Variants in COCH observed in about 807,000 individuals in gnomAD.
COCH encodes the protein coagulation factor C homolog, cochlin (Limulus polyphemus).
COCH carries 40 observed loss-of-function variants against 54.8 expected under a neutral mutation model. The ratio of observed to expected loss-of-function variants is 0.73; its 90% CI spans 0.57 to 0.95. The LOEUF is 0.95. Among genes scored for constraint, COCH ranks in the 40% least tolerant of loss-of-function variants. The probability of loss-of-function intolerance (pLI) is 0.00; values close to 1 mark genes in which losing one functional copy is unlikely to be tolerated. For missense variants in COCH, 605 were observed against 675.0 expected (o/e 0.90, Z 1.15); for synonymous variants, 256 against 237.9 (o/e 1.08, Z -0.70).
At chr14:30,885,761 C>A in intron 10 of COCH, 35 bp from the exon 11 acceptor site, 1 of 1,611,848 alleles carries the variant, frequency 6.2e-7, no homozygotes, top group Non-Finnish European at 8.5e-7. Flanking sequence ...AACTTTTGAT[C>A]CTTTTGGATA....
chr14:30,880,744 T>A lies in COCH; in HGVS notation c.629+10T>A. 6.2e-7 allele frequency: 1 copy of A among 1,606,150 alleles called. No homozygotes were observed. The highest frequency in any genetic ancestry group is 8.5e-7 in the Non-Finnish European group (1 of 1,173,316). ...GCCTTGTTCAAGCCAGGTACCAACCTTGTTAAAATGGGAGATTTAAAAAAA... is the reference window on the plus strand; with the variant it reads ...GCCTTGTTCAAGCCAGGTACCAACCATGTTAAAATGGGAGATTTAAAAAAA... On this transcript the variant is annotated intron_variant, in intron 8 of 11. Coordinates refer to ENST00000396618, the MANE Select transcript of COCH (RefSeq NM_004086.3).
chr14:30,875,419 G>A (rs78315349), intron 3 of COCH: 6,237 of 596,950 alleles, frequency 0.01, 70 homozygotes, highest in South Asian at 0.017. Flanking sequence ...GCAGGAGGTC[G>A]AGGAAGGAGG....
At chr14:30,878,712 T>G (rs1463621481) in intron 4 of COCH, 99 bp from the exon 5 acceptor site, 3 of 1,544,464 alleles carry the variant, frequency 1.9e-6, no homozygotes, top group Non-Finnish European at 2.7e-6. Flanking sequence ...AGCTATTTTC[T>G]TGATTAATCA....
chr14:30,882,129 T>TTG (rs1555311389), intron 8 of COCH, among the ~76,000 whole-genome samples: 2 of 103,666 alleles, frequency 1.9e-5, no homozygotes, highest in Non-Finnish European at 4.0e-5. Context: ...GGTTTTTTTT[T>TTG]TTTTTTTTTT....
chr14:30,882,120 G>GTTTTGTTTTTTTTTTTTT (rs1895617844), intron 8 of COCH, among the ~76,000 whole-genome samples: 3 of 67,894 alleles, frequency 4.4e-5, no homozygotes, highest in African/African-American at 6.6e-5. Flanking sequence ...CTATAAAATG[G>GTTTTGTTTTTTTTTTTTT]TTTTTTTTTT....
At chr14:30,878,969 C>A (rs778896576) in intron 5 of COCH, 25 bp downstream of exon 5, 1 of 1,612,828 alleles carries the variant, frequency 6.2e-7, no homozygotes, top group Non-Finnish European at 8.5e-7. Context: ...TGTTCTCATT[C>A]TGTAATATTC....
chr14:30,885,190 A>G (rs1895741279), intron 9 of COCH: 2 of 1,078,878 alleles, frequency 1.9e-6, no homozygotes. Context: ...TGTGAAGATA[A>G]ATAGGCCTGG....
rs1895944883 is a variant in COCH, at chr14:30,890,464, T to G, written c.*673T>G. ...TATATGTATATAGATATATTTGGCT[T>G]ATATTCTAAGTCACCTAAGTACTTA... On this transcript the variant is annotated 3_prime_UTR_variant, in exon 12 of 12. Transcript: ENST00000396618. The G allele has an allele frequency of 2.1e-6, 2 of 953,210 alleles. No homozygotes were observed. The highest frequency in any genetic ancestry group is 2.5e-6 in the Non-Finnish European group (2 of 800,638). 59.0% of individuals were successfully genotyped at this position (953,210 alleles called of 1,614,324 possible).
At chr14:30,875,516 G>C (rs1250641868) in intron 3 of COCH, 9 of 499,850 alleles carry the variant, frequency 1.8e-5, no homozygotes, top group Admixed American at 1.1e-4. Context: ...CCCGACTTCA[G>C]GTTGCCGTAG....
downstream of COCH, among the ~76,000 whole-genome samples, chr14:30,893,020 ATTACC>A (rs1896023378): frequency 6.6e-6 from 1 of 152,136 alleles, no homozygotes; most frequent in Non-Finnish European, 1.5e-5. Flanking sequence ...TTCAAAGGAT[ATTACC>A]TTATTGAAGA....
rs148619979 is a variant in COCH at position 30,875,832 on chromosome 14, A to C, written c.82+729A>C. On this transcript the variant is annotated intron_variant, in intron 3 of 11. Transcript: ENST00000396618. ...AACAAAAGTCAGTGTTCGCAACTAA[A>C]GGCGGTCGGTCTTGGCACCGGATTC... The C allele has an allele frequency of 3.2e-3, 491 of 152,572 alleles. 2 individuals are homozygous for C. Among genetic ancestry groups the C allele is most frequent in the Non-Finnish European group, 4.8e-3 (330 of 68,244 alleles). The allele number at this position is 152,572 out of a possible 1,614,324, so 9.5% of individuals were successfully genotyped here. A position where few individuals can be genotyped will look rare whatever the true frequency, so the allele number is the denominator to read the frequency against.
intron 3 of COCH, chr14:30,875,835 C>T (rs1895340016): frequency 6.6e-6 from 1 of 152,394 alleles, no homozygotes; most frequent in Non-Finnish European, 1.5e-5. Context: ...CAACTAAAGG[C>T]GGTCGGTCTT....
At chr14:30,895,367 T>C, downstream of COCH, 1 of 1,552,966 alleles carries the variant, frequency 6.4e-7, no homozygotes, top group South Asian at 1.2e-5. Context: ...GCAGACCCTC[T>C]TTCTGTCCAA....
At chr14:30,884,921 G>A in intron 9 of COCH, 1 of 1,596,906 alleles carries the variant, frequency 6.3e-7, no homozygotes, top group Non-Finnish European at 8.5e-7. Flanking sequence ...TATAACATTG[G>A]AGAAGTATCT....
intron 9 of COCH, chr14:30,885,097 C>CA: frequency 6.4e-7 from 1 of 1,565,914 alleles, no homozygotes; most frequent in Non-Finnish European, 8.6e-7. Context: ...AAGTGGGAAT[C>CA]AGTTTTGTGT....
At chr14:30,883,210 T>C (rs1328790569) in intron 8 of COCH, among the ~76,000 whole-genome samples, 2 of 152,050 alleles carry the variant, frequency 1.3e-5, no homozygotes, top group African/African-American at 4.8e-5. Flanking sequence ...TGCTAATCCT[T>C]ACATATTTTT....
chr14:30,881,212 CAAAAA>C (rs11297000), intron 8 of COCH, among the ~76,000 whole-genome samples: 1 of 93,436 alleles, frequency 1.1e-5, no homozygotes, highest in Non-Finnish European at 2.3e-5. Flanking sequence ...GACTATGTCT[CAAAAA>C]AAAAAAAAAA....
chr14:30,886,910 G>C (rs897674952), intron 11 of COCH, among the ~76,000 whole-genome samples: 1 of 152,052 alleles, frequency 6.6e-6, no homozygotes, highest in Non-Finnish European at 1.5e-5. Flanking sequence ...GGGGAGAGAC[G>C]GGGGTCTCAC....
chr14:30,894,296 T>C (rs577248622), downstream of COCH: 2 of 152,524 alleles, frequency 1.3e-5, no homozygotes, highest in Admixed American at 1.3e-4. Flanking sequence ...ATATATATCT[T>C]AGGGGGAACC....
Sources: allele counts gnomAD v4.1 joint callset (sites outside exome capture counted in the v4.1 genomes callset), GRCh38; gene constraint gnomAD v4.1.1; transcripts MANE v1.5; gene names NCBI Gene and HGNC (gene_info 2026-07-23, HGNC 2026-07-21).